The following PACSIN2 variants were observed in gnomAD, a reference collection of about 807,000 sequenced individuals.
The protein encoded by PACSIN2 is protein kinase C and casein kinase substrate in neurons 2, also known as protein kinase C and casein kinase substrate in neurons protein 2.
PACSIN2 carries 25 observed loss-of-function variants against 63.8 expected under a neutral mutation model. The ratio of observed to expected loss-of-function variants is 0.39; its 90% CI spans 0.29 to 0.55. The LOEUF is 0.55. PACSIN2 is among the 20% of genes least tolerant of loss of function. PACSIN2 has a pLI of 0.62. For synonymous variants in PACSIN2, 255 were observed against 256.2 expected (o/e 1.00, Z 0.05); for missense variants, 518 against 646.9 (o/e 0.80, Z 2.16).
intron 1 of PACSIN2, among the ~76,000 whole-genome samples, chr22:42,948,500 G>A (rs1303800588): frequency 6.6e-6 from 1 of 152,162 alleles, no homozygotes; most frequent in African/African-American, 2.4e-5. Flanking sequence ...TGGGTGTGGT[G>A]GCACATGACT....
rs79123390 is a variant in PACSIN2, at chr22:42,886,305, A to G, written c.610-1744T>C. Among the ~76,000 whole-genome samples the G allele has an allele frequency of 4.0e-3, 611 of 152,338 alleles. 3 individuals carry two copies. Among genetic ancestry groups the G allele is most frequent in the Non-Finnish European group, 6.3e-3 (431 of 68,032 alleles). ...CCTTCACCCTTAGGTGGATTGTAAT[A>G]TTTTAGCACTAAATGCAAAAAGTTC... On this transcript the variant is annotated intron_variant, in intron 5 of 10. Coordinates refer to ENST00000263246, the MANE Select transcript of PACSIN2 (RefSeq NM_001184970.3).
At chr22:42,919,792 A>G (rs1222225350) in intron 1 of PACSIN2, among the ~76,000 whole-genome samples, 2 of 142,584 alleles carry the variant, frequency 1.4e-5, no homozygotes, top group Non-Finnish European at 3.0e-5. Flanking sequence ...AAAAAAAAAA[A>G]AAAAAGAAAG....
In PACSIN2 at chr22:42,888,587, C is replaced by T. The variant is rs576729389; in HGVS notation, c.609+56G>A. On this transcript the variant is annotated intron_variant, in intron 5 of 10. Coordinates refer to ENST00000263246, the MANE Select transcript of PACSIN2 (RefSeq NM_001184970.3). ...CAGTTACAGAAGGCTATATGCCAGA[C>T]ACGTCAACAACTGACACGGTGACAC... 3 of 1,568,814 alleles carry T rather than the reference C, an allele frequency of 1.9e-6. No homozygotes were observed. The South Asian group carries it at 3.4e-5, about 18-fold the overall frequency.
rs1650862084 is a variant in PACSIN2, at chr22:42,911,917, G to T, written c.60+104C>A. On this transcript the variant is annotated intron_variant, in intron 2 of 10. Transcript: ENST00000263246. ...ACTACAAATGCATGGCTGGTTTGGGGGTATGTTCACCTCAGTTCCCAACCT... is the reference window on the plus strand; with the variant it reads ...ACTACAAATGCATGGCTGGTTTGGGTGTATGTTCACCTCAGTTCCCAACCT... 3 of 771,604 alleles carry T rather than the reference G, an allele frequency of 3.9e-6. No homozygotes were observed. The South Asian group carries it at 4.7e-5, about 12-fold the overall frequency. 47.8% of individuals were successfully genotyped at this position (771,604 alleles called of 1,614,324 possible). A position where few individuals can be genotyped will look rare whatever the true frequency, so the allele number is the denominator to read the frequency against.
chr22:42,902,187 AG>A (rs1930737288), intron 2 of PACSIN2, among the ~76,000 whole-genome samples: 1 of 152,228 alleles, frequency 6.6e-6, no homozygotes, highest in African/African-American at 2.4e-5. Flanking sequence ...CATTGTGAGA[AG>A]GAACACTCTG....
chr22:42,870,429 TAAAA>T lies in PACSIN2; in HGVS notation c.*924_*927del, dbSNP rs978671260. ...ACTGTTAAAAGCTGTTAAATCTCAT[TAAAA>T]CAGTAGACGAGTGCTTTAGATTCTC... On this transcript the variant is annotated 3_prime_UTR_variant, in exon 11 of 11. Transcript: ENST00000263246. 2.6e-5 allele frequency: 4 copies of T among 152,110 alleles called. No homozygotes were observed. Among genetic ancestry groups the T allele is most frequent in the African/African-American group, 9.7e-5 (4 of 41,414 alleles). The allele number at this position is 152,110 out of a possible 1,614,324, so 9.4% of individuals were successfully genotyped here.
chr22:42,877,766 C>A (rs1273602380), intron 8 of PACSIN2, among the ~76,000 whole-genome samples: 1 of 152,166 alleles, frequency 6.6e-6, no homozygotes, highest in Non-Finnish European at 1.5e-5. Context: ...AGACAGGCAC[C>A]AAGGGCCCTG....
At chr22:42,905,462 T>G (rs896006782) in intron 2 of PACSIN2, among the ~76,000 whole-genome samples, 1 of 152,252 alleles carries the variant, frequency 6.6e-6, no homozygotes, top group African/African-American at 2.4e-5. Flanking sequence ...GGCTCATTGG[T>G]GCCGCTGGCC....
At chr22:42,884,247 A>G in intron 6 of PACSIN2, 139 bp downstream of exon 6, 1 of 707,306 alleles carries the variant, frequency 1.4e-6, no homozygotes, top group South Asian at 1.9e-5. Context: ...ATTACAAAGA[A>G]GCAGGAGGCC....
intron 1 of PACSIN2, among the ~76,000 whole-genome samples, chr22:42,917,313 A>C (rs1433459949): frequency 6.6e-6 from 1 of 152,176 alleles, no homozygotes; most frequent in African/African-American, 2.4e-5. Flanking sequence ...ATAACATGAA[A>C]AACTAAATAT....
chr22:42,896,723 T>C (rs947889097), intron 2 of PACSIN2, among the ~76,000 whole-genome samples: 2 of 152,250 alleles, frequency 1.3e-5, no homozygotes, highest in Non-Finnish European at 2.9e-5. Context: ...AGCTGTGCAC[T>C]GCCATCAGCA....
chr22:42,934,823 G>A (rs982765491), intron 1 of PACSIN2, among the ~76,000 whole-genome samples: 9 of 152,172 alleles, frequency 5.9e-5, no homozygotes, highest in African/African-American at 1.2e-4. Context: ...GGTACCCACA[G>A]CTCCTCAGTG....
chr22:42,966,792 C>G (rs988616605), intron 1 of PACSIN2, among the ~76,000 whole-genome samples: 1 of 152,178 alleles, frequency 6.6e-6, no homozygotes, highest in African/African-American at 2.4e-5. Context: ...CTGGGCAACA[C>G]ATTAAAAATG....
chr22:42,883,229 G>C (rs556116601), intron 6 of PACSIN2, among the ~76,000 whole-genome samples: 18 of 152,152 alleles, frequency 1.2e-4, no homozygotes, highest in Admixed American at 9.8e-4. Context: ...GAGCAGCCTC[G>C]GGCAAGTCAT....
At chr22:42,960,577 C>G (rs1384681122) in intron 1 of PACSIN2, among the ~76,000 whole-genome samples, 1 of 152,148 alleles carries the variant, frequency 6.6e-6, no homozygotes, top group Non-Finnish European at 1.5e-5. Flanking sequence ...AACAATAAAG[C>G]TTTAGGTGAG....
chr22:42,945,344 T>C (rs1933369887), intron 1 of PACSIN2, among the ~76,000 whole-genome samples: 1 of 152,132 alleles, frequency 6.6e-6, no homozygotes, highest in Non-Finnish European at 1.5e-5. Flanking sequence ...GTTTCCTGGC[T>C]GCTGGCGCTC....
chr22:42,977,228 C>T (rs914541190), intron 1 of PACSIN2, among the ~76,000 whole-genome samples: 6 of 152,072 alleles, frequency 3.9e-5, no homozygotes, highest in African/African-American at 1.4e-4. Flanking sequence ...GCAAAACACA[C>T]CTAAACAATG....
At chr22:42,954,080 G>A (rs1044306772) in intron 1 of PACSIN2, among the ~76,000 whole-genome samples, 12 of 152,150 alleles carry the variant, frequency 7.9e-5, no homozygotes, top group African/African-American at 2.9e-4. Flanking sequence ...AGCCAACATA[G>A]TGAAACCCTG....
chr22:42,971,902 C>A (rs1921336940), intron 1 of PACSIN2, among the ~76,000 whole-genome samples: 2 of 151,446 alleles, frequency 1.3e-5, no homozygotes, highest in Non-Finnish European at 3.0e-5. Flanking sequence ...GGGGCAGCCT[C>A]CACCCGGCCG....
Sources: gnomAD v4.1 joint callset for allele counts (sites outside exome capture counted in the v4.1 genomes callset) on GRCh38, gnomAD v4.1.1 for gene constraint, MANE v1.5 for transcripts, NCBI Gene and HGNC (gene_info 2026-07-23, HGNC 2026-07-21) for gene names.